COLQ: variants seen among roughly 807,000 people sequenced by gnomAD.
COLQ encodes acetylcholinesterase collagenic tail peptide.
A neutral mutation model predicts 69.0 loss-of-function variants in COLQ; 48 were observed. The observed-to-expected ratio is 0.70, with a 90% CI of 0.55 to 0.88. The LOEUF (loss-of-function observed/expected upper bound fraction) is 0.88. Ranked by LOEUF, COLQ falls within the 40% of genes least tolerant of loss-of-function variation. The pLI is 0.00. For synonymous variants in COLQ, 217 were observed against 211.2 expected (o/e 1.03, Z -0.24); for missense variants, 618 against 594.6 (o/e 1.04, Z -0.41).
chr3:15,468,012 G>A, intron 11 of COLQ: 2 of 455,452 alleles, frequency 4.4e-6, no homozygotes, highest in Non-Finnish European at 8.8e-6. Flanking sequence ...CAGTAACCAA[G>A]CTGGGTCTCA....
At chr3:15,481,386 T>C (rs1290284988) in intron 3 of COLQ, among the ~76,000 whole-genome samples, 5 of 152,230 alleles carry the variant, frequency 3.3e-5, no homozygotes, top group Non-Finnish European at 1.5e-5. Flanking sequence ...GGTATTAATC[T>C]TGTATAAGGT....
intron 1 of COLQ, among the ~76,000 whole-genome samples, chr3:15,497,939 G>A (rs776034714): frequency 1.3e-5 from 2 of 152,152 alleles, no homozygotes; most frequent in Non-Finnish European, 2.9e-5. Flanking sequence ...AAAGTTGCAC[G>A]TAATTTGAAC....
intron 12 of COLQ, among the ~76,000 whole-genome samples, chr3:15,464,409 C>T (rs940628597): frequency 1.3e-5 from 2 of 152,174 alleles, no homozygotes; most frequent in African/African-American, 4.8e-5. Context: ...ATGGAGTAGA[C>T]CAAAGGTTGG....
At chr3:15,456,735 G>A (rs963630447) in intron 13 of COLQ, among the ~76,000 whole-genome samples, 156 bp from the exon 14 acceptor site, 2 of 152,202 alleles carry the variant, frequency 1.3e-5, no homozygotes, top group Non-Finnish European at 2.9e-5. Context: ...GAAGTGAGAG[G>A]AGTGTCTTGA....
chr3:15,501,513 T>C (rs2062830599), intron 1 of COLQ, among the ~76,000 whole-genome samples: 2 of 152,184 alleles, frequency 1.3e-5, no homozygotes, highest in Non-Finnish European at 2.9e-5. Flanking sequence ...GCACTTCACA[T>C]CCGCTGTCCC....
At chr3:15,492,813 T>A (rs1004767930) in intron 1 of COLQ, among the ~76,000 whole-genome samples, 1 of 152,218 alleles carries the variant, frequency 6.6e-6, no homozygotes, top group Non-Finnish European at 1.5e-5. Flanking sequence ...CTCTCACTCC[T>A]GACCCGGCTC....
Position 15,455,421 on chromosome 3 carries a change from G to A in COLQ, c.1195+478C>T, listed in dbSNP as rs556709553. On this transcript the variant is annotated intron_variant, in intron 15 of 16. Transcript: ENST00000383788. ...CTGCTGCCTACCAGTTAAGGCAGCA[G>A]CCCACGAGGCTGACAGCAGCTCTGG... 2.6e-5 allele frequency among the ~76,000 whole-genome samples: 4 copies of A among 152,334 alleles called. No individual in the cohort carries two copies. In the South Asian group the frequency reaches 8.3e-4, roughly 32 times the overall value.
chr3:15,450,492 G>C lies in COLQ; in HGVS notation c.*1152C>G, dbSNP rs1687310161. 6.5e-6 allele frequency: 1 copy of C among 153,808 alleles called. No homozygotes were observed. The highest frequency in any genetic ancestry group is 2.4e-5 in the African/African-American group (1 of 41,462). The allele number at this position is 153,808 out of a possible 1,614,324, so 9.5% of individuals were successfully genotyped here. On this transcript the variant is annotated 3_prime_UTR_variant, in exon 17 of 17. Transcript: ENST00000383788. Reference sequence around the variant, plus strand: ...TGGGGGTGGACCTCACCTTGGAGATGTCTTTCCAGAATAAAACTAAGCCCT... The same window carrying C: ...TGGGGGTGGACCTCACCTTGGAGATCTCTTTCCAGAATAAAACTAAGCCCT...
At chr3:15,484,889 T>A (rs1311607401) in intron 3 of COLQ, among the ~76,000 whole-genome samples, 2 of 152,256 alleles carry the variant, frequency 1.3e-5, no homozygotes, top group Non-Finnish European at 2.9e-5. Context: ...GAAGCCTTCT[T>A]CTCTCAACTC....
chr3:15,462,008 TATTTA>T (rs1305111266), intron 12 of COLQ, among the ~76,000 whole-genome samples: 2 of 105,848 alleles, frequency 1.9e-5, no homozygotes, highest in Non-Finnish European at 3.7e-5. Context: ...CTTATTTATT[TATTTA>T]TTTATTTATT....
chr3:15,476,221 A>G (rs1040163332), intron 6 of COLQ, among the ~76,000 whole-genome samples: 3 of 152,252 alleles, frequency 2.0e-5, no homozygotes, highest in African/African-American at 7.2e-5. Context: ...TTTAATCTGT[A>G]CTTAGAGATC....
In COLQ at chr3:15,470,546, C is replaced by G; in HGVS notation, c.707G>C (p.Arg236Pro). ...HRGPTGRPGK[R>P]GKQGQKGDSG... is the part of the protein sequence containing the mutation. The stretch of plus-strand genomic sequence containing the variant: ...CCCTGGGATCCTTACCTGCTTGCCT[C>G]GTTTTCCTGGTCTTCCTGTGGGTCC... Residue 236 changes from arginine (R) to proline (P), a missense_variant, in exon 11 of 17, where the codon CGA becomes CCA. Transcript: ENST00000383788. The G allele has an allele frequency of 6.2e-7, 1 of 1,613,892 alleles. No homozygotes were observed. Among genetic ancestry groups the G allele is most frequent in the Non-Finnish European group, 8.5e-7 (1 of 1,180,014 alleles).
chr3:15,498,293 C>A (rs1406549387), intron 1 of COLQ, among the ~76,000 whole-genome samples: 1 of 152,142 alleles, frequency 6.6e-6, no homozygotes, highest in Non-Finnish European at 1.5e-5. Flanking sequence ...TACTGTGAAA[C>A]CCCTTTGCAT....
chr3:15,493,708 G>A (rs985989687), intron 1 of COLQ, among the ~76,000 whole-genome samples: 1 of 152,252 alleles, frequency 6.6e-6, no homozygotes, highest in Non-Finnish European at 1.5e-5. Context: ...TCTTTAGCAG[G>A]ATCTCAGGGT....
intron 1 of COLQ, 23 bp from the exon 2 acceptor site, chr3:15,489,660 C>T (rs1056262016): frequency 1.9e-6 from 3 of 1,608,254 alleles, no homozygotes; most frequent in East Asian, 4.5e-5. Flanking sequence ...AACTGCCGCT[C>T]GTTAGCATGT....
chr3:15,466,779 T>C (rs2125104164), intron 11 of COLQ, among the ~76,000 whole-genome samples: 1 of 152,368 alleles, frequency 6.6e-6, no homozygotes, highest in East Asian at 1.9e-4. Context: ...GCACTCAGGA[T>C]AAAGACTTAG....
At position 15,500,228 on chromosome 3, in the gene COLQ, G is replaced by A. The variant is rs10155040; in HGVS notation, c.107-10591C>T. 4.8e-3 allele frequency among the ~76,000 whole-genome samples: 733 copies of A among 152,258 alleles called. 7 individuals are homozygous for A. The highest frequency in any genetic ancestry group is 0.016 in the African/African-American group (665 of 41,558). ...TTCCTTCTCTGGGGAATTCCCCTTT[G>A]TCCTTCTCAGAAACTGGGTCTAAGA... On this transcript the variant is annotated intron_variant, in intron 1 of 16. Coordinates refer to ENST00000383788, the MANE Select transcript of COLQ (RefSeq NM_005677.4).
intron 1 of COLQ, among the ~76,000 whole-genome samples, chr3:15,517,335 G>A (rs2063076634): frequency 6.6e-6 from 1 of 152,114 alleles, no homozygotes; most frequent in Non-Finnish European, 1.5e-5. Context: ...CATGACCTTG[G>A]GCAAGTCACT....
At chr3:15,496,549 A>G (rs1201162744) in intron 1 of COLQ, among the ~76,000 whole-genome samples, 2 of 152,190 alleles carry the variant, frequency 1.3e-5, no homozygotes, top group African/African-American at 4.8e-5. Context: ...TTGTATTGAA[A>G]GCAATCCTGT....
Sources: allele counts gnomAD v4.1 joint callset (sites outside exome capture counted in the v4.1 genomes callset), GRCh38; gene constraint gnomAD v4.1.1; transcripts MANE v1.5; gene names NCBI Gene and HGNC (gene_info 2026-07-23, HGNC 2026-07-21).